EREG: variants seen among roughly 807,000 people sequenced by gnomAD.
The protein encoded by EREG is proepiregulin.
A neutral mutation model predicts 22.4 loss-of-function variants in EREG; 23 were observed. The observed-to-expected ratio is 1.03, with a 90% CI of 0.74 to 1.46. The LOEUF (loss-of-function observed/expected upper bound fraction) is 1.46. Among genes scored for constraint, EREG ranks in the 40% most tolerant of loss-of-function variants. EREG has a pLI of 0.00. For synonymous variants in EREG, 100 were observed against 75.4 expected, an observed-to-expected ratio of 1.33 and a Z score of -1.69; for missense variants, 226 against 205.9, an observed-to-expected ratio of 1.10 and a Z score of -0.60.
intron 2 of EREG, 142 bp from the exon 3 acceptor site, chr4:74,380,872 C>T (rs1202336423): frequency 3.8e-6 from 3 of 788,326 alleles, no homozygotes; most frequent in Non-Finnish European, 4.0e-6. Context: ...ACTAGAGTGA[C>T]TTCCTACTTC....
chr4:74,375,179 T>C (rs192307627), intron 1 of EREG, among the ~76,000 whole-genome samples: 7 of 152,118 alleles, frequency 4.6e-5, no homozygotes, highest in Non-Finnish European at 7.4e-5. Context: ...GTATTTGAGG[T>C]CCAATCATAG....
intron 3 of EREG, chr4:74,382,010 A>AAAAG (rs1752485426): frequency 6.7e-6 from 1 of 149,798 alleles, no homozygotes; most frequent in East Asian, 1.9e-4. Flanking sequence ...AAAAAAAAAA[A>AAAAG]GAATTGATTC....
intron 1 of EREG, among the ~76,000 whole-genome samples, chr4:74,369,576 T>C (rs901378058): frequency 6.6e-6 from 1 of 152,198 alleles, no homozygotes; most frequent in Non-Finnish European, 1.5e-5. Context: ...CATGGAGATA[T>C]ATGTAATATT....
intron 1 of EREG, 110 bp downstream of exon 1, chr4:74,365,485 G>T (rs1371762164): frequency 2.7e-5 from 18 of 665,104 alleles, no homozygotes; most frequent in Non-Finnish European, 3.7e-5. Flanking sequence ...GTTCAAGTGT[G>T]CTCTATTTAA....
At chr4:74,370,564 A>G (rs1481916420) in intron 1 of EREG, among the ~76,000 whole-genome samples, 1 of 152,084 alleles carries the variant, frequency 6.6e-6, no homozygotes, top group Non-Finnish European at 1.5e-5. Flanking sequence ...TCACATTTTT[A>G]TCTCTTATTA....
chr4:74,365,412 G>T, intron 1 of EREG, 37 bp downstream of exon 1: 2 of 1,601,694 alleles, frequency 1.2e-6, no homozygotes, highest in Non-Finnish European at 1.7e-6. Flanking sequence ...CCGCCCCAAA[G>T]AGGAGACAAA....
At chr4:74,375,132 G>A (rs967147150) in intron 1 of EREG, among the ~76,000 whole-genome samples, 1 of 151,964 alleles carries the variant, frequency 6.6e-6, no homozygotes, top group African/African-American at 2.4e-5. Flanking sequence ...ATTTGCTTAG[G>A]AAGAATCTAC....
chr4:74,374,453 A>G (rs61549491), intron 1 of EREG, among the ~76,000 whole-genome samples: 11,483 of 152,180 alleles, frequency 0.075, 761 homozygotes, highest in African/African-American at 0.18. Flanking sequence ...TGGGAGGATC[A>G]TTGAGCCCAG....
chr4:74,381,374 A>T, intron 3 of EREG: 1 of 312,846 alleles, frequency 3.2e-6, no homozygotes. Context: ...CTCTATGACC[A>T]TGTGTACACA....
At chr4:74,368,122 G>A (rs1752221882) in intron 1 of EREG, among the ~76,000 whole-genome samples, 1 of 152,172 alleles carries the variant, frequency 6.6e-6, no homozygotes, top group South Asian at 2.1e-4. Context: ...AATAAACATA[G>A]CAGATTCTAA....
intron 1 of EREG, among the ~76,000 whole-genome samples, chr4:74,376,282 C>T (rs1017609921): frequency 2.0e-5 from 3 of 152,056 alleles, no homozygotes; most frequent in African/African-American, 7.3e-5. Context: ...TTCAAATGTG[C>T]ATTTTTTTCC....
chr4:74,378,312 C>T (rs895158744), intron 1 of EREG, among the ~76,000 whole-genome samples: 72 of 152,160 alleles, frequency 4.7e-4, no homozygotes, highest in African/African-American at 1.5e-3. Flanking sequence ...CAATAAGCAC[C>T]GGAATCCAAA....
intron 2 of EREG, among the ~76,000 whole-genome samples, 173 bp downstream of exon 2, chr4:74,379,707 T>A (rs982768387): frequency 1.3e-5 from 2 of 152,214 alleles, no homozygotes; most frequent in Non-Finnish European, 2.9e-5. Flanking sequence ...TATAAAGGAA[T>A]AACTGGTAGG....
At chr4:74,375,846 T>A (rs752777620) in intron 1 of EREG, among the ~76,000 whole-genome samples, 2 of 152,192 alleles carry the variant, frequency 1.3e-5, no homozygotes, top group Non-Finnish European at 2.9e-5. Flanking sequence ...CTTGGCCACA[T>A]CCATCCATGA....
At position 74,367,242 on chromosome 4, in the gene EREG, T is replaced by C. The variant is rs1187183485; in HGVS notation, c.67+1867T>C. Among the ~76,000 whole-genome samples, 6 of 152,212 alleles carry C rather than the reference T, an allele frequency of 3.9e-5. No individual in the cohort carries two copies. The East Asian group carries it at 7.7e-4, about 20-fold the overall frequency. ...TTTTAAATTTTACACTTGTTTAATA[T>C]TGAGGCTCTTGTTTTATAAATTGGG... is the stretch of plus-strand genomic sequence containing the variant. On this transcript the variant is annotated intron_variant, in intron 1 of 4. Coordinates refer to ENST00000244869, the MANE Select transcript of EREG (RefSeq NM_001432.3).
chr4:74,367,920 G>C (rs1320294149), intron 1 of EREG, among the ~76,000 whole-genome samples: 1 of 152,190 alleles, frequency 6.6e-6, no homozygotes, highest in East Asian at 1.9e-4. Flanking sequence ...AATGCCTACT[G>C]TGTGGCAGCC....
At chr4:74,365,779 G>T (rs377587348) in intron 1 of EREG, among the ~76,000 whole-genome samples, 36 of 151,490 alleles carry the variant, frequency 2.4e-4, no homozygotes, top group African/African-American at 8.5e-4. Flanking sequence ...AGAAACTAGC[G>T]TAAGAAATTT....
intron 1 of EREG, among the ~76,000 whole-genome samples, chr4:74,374,453 A>T (rs61549491): frequency 3.9e-5 from 6 of 152,200 alleles, no homozygotes; most frequent in African/African-American, 1.4e-4. Context: ...TGGGAGGATC[A>T]TTGAGCCCAG....
At chr4:74,370,999 C>A (rs1226642854) in intron 1 of EREG, among the ~76,000 whole-genome samples, 2 of 152,120 alleles carry the variant, frequency 1.3e-5, no homozygotes, top group African/African-American at 2.4e-5. Context: ...CTATGCATTG[C>A]AGGGTGTTTA....
Sources: gnomAD v4.1 joint callset for allele counts (sites outside exome capture counted in the v4.1 genomes callset) on GRCh38, gnomAD v4.1.1 for gene constraint, MANE v1.5 for transcripts, NCBI Gene and HGNC (gene_info 2026-07-23, HGNC 2026-07-21) for gene names.